Variants in ADARB2 observed in about 807,000 individuals in gnomAD.
ADARB2 encodes the protein inactive double-stranded RNA-specific editase B2.
In ADARB2, 25 loss-of-function variants were observed where a neutral mutation model predicts 62.2. The observed-to-expected ratio is 0.40, with a 90% CI of 0.29 to 0.56. The LOEUF is 0.56. Among genes scored for constraint, ADARB2 ranks in the 20% least tolerant of loss-of-function variants. The pLI is 0.43. For missense variants in ADARB2, 1,071 were observed against 1,077.4 expected (o/e 0.99, Z 0.08); for synonymous variants, 572 against 500.8 (o/e 1.14, Z -1.90).
At chr10:1,610,672 G>C (rs1178959520) in intron 1 of ADARB2, among the ~76,000 whole-genome samples, 2 of 152,126 alleles carry the variant, frequency 1.3e-5, no homozygotes, top group Admixed American at 1.3e-4. Flanking sequence ...CTTTTAGTTT[G>C]TGTCCCGGCA....
At chr10:1,507,389 C>A (rs1278672977) in intron 1 of ADARB2, among the ~76,000 whole-genome samples, 2 of 152,226 alleles carry the variant, frequency 1.3e-5, no homozygotes, top group African/African-American at 4.8e-5. Context: ...GAAGGCTGCA[C>A]CTGCCCCCTT....
chr10:1,517,784 G>T (rs142972438), intron 1 of ADARB2, among the ~76,000 whole-genome samples: 1 of 152,078 alleles, frequency 6.6e-6, no homozygotes, highest in African/African-American at 2.4e-5. Context: ...TTTTGTCTTC[G>T]GTCGTATGAT....
chr10:1,296,539 A>G (rs12782423), intron 3 of ADARB2, among the ~76,000 whole-genome samples: 32,029 of 152,004 alleles, frequency 0.21, 3,908 homozygotes, highest in Non-Finnish European at 0.28. Context: ...GGTGCATGGG[A>G]GTCTTCCTGT....
At chr10:1,600,674 A>AAAC (rs1833400248) in intron 1 of ADARB2, among the ~76,000 whole-genome samples, 2 of 151,538 alleles carry the variant, frequency 1.3e-5, no homozygotes, top group Admixed American at 1.3e-4. Context: ...AAAAAAAAAA[A>AAAC]AAAAAAAAAA....
At chr10:1,471,820 C>T (rs17156372) in intron 1 of ADARB2, among the ~76,000 whole-genome samples, 67,213 of 151,982 alleles carry the variant, frequency 0.44, 15,064 homozygotes, top group Admixed American at 0.55. Flanking sequence ...TGTGCCTTCA[C>T]GAATTTATGG....
chr10:1,495,162 T>A (rs1453626545), intron 1 of ADARB2, among the ~76,000 whole-genome samples: 1 of 152,206 alleles, frequency 6.6e-6, no homozygotes, highest in Non-Finnish European at 1.5e-5. Context: ...TAGAAATTGG[T>A]GAACTGAACT....
chr10:1,190,112 C>T (rs912207640), intron 8 of ADARB2, among the ~76,000 whole-genome samples: 3 of 152,180 alleles, frequency 2.0e-5, no homozygotes, highest in Admixed American at 1.3e-4. Flanking sequence ...AGGAGAAATG[C>T]GTCCTCCTGA....
chr10:1,259,798 T>G (rs1309455473), intron 4 of ADARB2, among the ~76,000 whole-genome samples: 1 of 152,234 alleles, frequency 6.6e-6, no homozygotes, highest in African/African-American at 2.4e-5. Flanking sequence ...TAACTCATTT[T>G]AGGAGGCCAG....
intron 1 of ADARB2, among the ~76,000 whole-genome samples, chr10:1,504,149 G>C (rs1041250201): frequency 2.0e-5 from 3 of 152,106 alleles, no homozygotes; most frequent in Non-Finnish European, 4.4e-5. Context: ...GCTTAAACTG[G>C]CTCCTTCACT....
chr10:1,514,886 C>T (rs758256485), intron 1 of ADARB2, among the ~76,000 whole-genome samples: 23 of 152,050 alleles, frequency 1.5e-4, no homozygotes, highest in African/African-American at 4.6e-4. Context: ...TCTGTGCTCA[C>T]GGCAAGACCA....
intron 1 of ADARB2, among the ~76,000 whole-genome samples, chr10:1,493,916 T>C (rs1251934899): frequency 6.6e-6 from 1 of 151,876 alleles, no homozygotes; most frequent in Non-Finnish European, 1.5e-5. Context: ...CCACTACGCC[T>C]GGCTATTTTT....
At chr10:1,400,611 T>C (rs912614270) in intron 1 of ADARB2, among the ~76,000 whole-genome samples, 10 of 152,140 alleles carry the variant, frequency 6.6e-5, no homozygotes, top group Non-Finnish European at 8.8e-5. Context: ...GAAGACACCA[T>C]GCAGTAAAGC....
At chr10:1,540,303 T>G (rs1038682425) in intron 1 of ADARB2, among the ~76,000 whole-genome samples, 2 of 151,684 alleles carry the variant, frequency 1.3e-5, no homozygotes, top group African/African-American at 2.4e-5. Context: ...AGGAGGAGAA[T>G]GAAAATAAAC....
intron 8 of ADARB2, among the ~76,000 whole-genome samples, chr10:1,193,168 G>A (rs1836865977): frequency 6.6e-6 from 1 of 152,194 alleles, no homozygotes; most frequent in South Asian, 2.1e-4. Flanking sequence ...GTGATGTCCG[G>A]GGATGCCAAG....
At chr10:1,298,713 G>A (rs2387640) in intron 3 of ADARB2, among the ~76,000 whole-genome samples, 60,625 of 132,710 alleles carry the variant, frequency 0.46, 15,325 homozygotes, top group East Asian at 0.71. Flanking sequence ...TCCCATGTGC[G>A]ACGGGAATTT....
At chr10:1,315,973 A>T (rs181090116) in intron 3 of ADARB2, among the ~76,000 whole-genome samples, 1 of 152,370 alleles carries the variant, frequency 6.6e-6, no homozygotes, top group Admixed American at 6.5e-5. Context: ...AATATGGAGC[A>T]TTAAGGGTAT....
intron 1 of ADARB2, among the ~76,000 whole-genome samples, chr10:1,589,597 G>A (rs1468819290): frequency 6.6e-6 from 1 of 152,218 alleles, no homozygotes; most frequent in Non-Finnish European, 1.5e-5. Context: ...CTTGTCCATG[G>A]CCACCCCTGA....
intron 7 of ADARB2, chr10:1,200,533 G>C (rs972190314): frequency 4.5e-6 from 2 of 449,166 alleles, no homozygotes; most frequent in South Asian, 6.3e-5. Flanking sequence ...GTTTATTTTA[G>C]TTTAGGGAAA....
At chr10:1,183,468 C>G in intron 9 of ADARB2, 99 bp from the exon 10 acceptor site, 3 of 1,429,040 alleles carry the variant, frequency 2.1e-6, no homozygotes, top group Non-Finnish European at 1.9e-6. Context: ...TGGCCTTGGC[C>G]TTCTGCCTTT....
Sources: gnomAD v4.1 joint callset for allele counts (sites outside exome capture counted in the v4.1 genomes callset) on GRCh38, gnomAD v4.1.1 for gene constraint, MANE v1.5 for transcripts, NCBI Gene and HGNC (gene_info 2026-07-23, HGNC 2026-07-21) for gene names.